Variants in NEK11 observed in about 807,000 individuals in gnomAD.
NEK11 encodes the protein NIMA related kinase 11.
In NEK11, 72 loss-of-function variants were observed where a neutral mutation model predicts 80.7. That is an observed-to-expected ratio of 0.89 (90% CI 0.74 to 1.08). The LOEUF is 1.08. Among genes scored for constraint, NEK11 ranks in the 50% least tolerant of loss-of-function variants. NEK11 has a pLI of 0.00. For missense variants in NEK11, 764 were observed against 763.6 expected (o/e 1.00, Z -0.01); for synonymous variants, 251 against 260.7 (o/e 0.96, Z 0.36).
chr3:131,206,941 T>A (rs552269486), intron 14 of NEK11, among the ~76,000 whole-genome samples: 1 of 152,302 alleles, frequency 6.6e-6, no homozygotes, highest in Non-Finnish European at 1.5e-5. Flanking sequence ...CTTGTGATAG[T>A]TTGCTGGGAA....
chr3:131,228,706 T>C lies in NEK11; in HGVS notation c.1560+18T>C. On this transcript the variant is annotated intron_variant, in intron 15 of 17. Transcript: ENST00000383366. ...ACCAACAGGTATGTAATGCTCCCTG[T>C]CGGAAGCCATGGAACTGTTCAAGGT... 1 of 1,606,860 alleles carries C rather than the reference T, an allele frequency of 6.2e-7. No homozygotes were observed.
intron 3 of NEK11, among the ~76,000 whole-genome samples, chr3:131,032,520 G>A (rs2065027087): frequency 1.3e-5 from 2 of 152,088 alleles, no homozygotes; most frequent in South Asian, 4.1e-4. Context: ...ATTGCTTTTG[G>A]AATTATTTGC....
At chr3:131,107,268 A>G (rs2079330459) in intron 4 of NEK11, among the ~76,000 whole-genome samples, 1 of 152,090 alleles carries the variant, frequency 6.6e-6, no homozygotes, top group Non-Finnish European at 1.5e-5. Flanking sequence ...ATTTTTGTAC[A>G]TGGAGAAAAT....
intron 3 of NEK11, among the ~76,000 whole-genome samples, chr3:131,072,837 G>T (rs1415877106): frequency 6.6e-6 from 1 of 152,216 alleles, no homozygotes; most frequent in Non-Finnish European, 1.5e-5. Flanking sequence ...ACTTAGAAAT[G>T]GGGGGGAAAT....
At chr3:131,283,426 T>C (rs925991342) in intron 17 of NEK11, among the ~76,000 whole-genome samples, 3 of 152,180 alleles carry the variant, frequency 2.0e-5, no homozygotes, top group Admixed American at 6.5e-5. Flanking sequence ...TCTGCTGTCA[T>C]ATTTTATGCC....
chr3:131,117,936 T>G (rs1353980498), intron 5 of NEK11, among the ~76,000 whole-genome samples: 1 of 152,180 alleles, frequency 6.6e-6, no homozygotes, highest in Non-Finnish European at 1.5e-5. Flanking sequence ...CAATTTGACT[T>G]CCTCTTTTCC....
chr3:131,224,947 G>A (rs536386104), intron 14 of NEK11, among the ~76,000 whole-genome samples: 3 of 152,282 alleles, frequency 2.0e-5, no homozygotes, highest in African/African-American at 4.8e-5. Flanking sequence ...TTTAAAAAAT[G>A]TACAGTAAGC....
intron 3 of NEK11, among the ~76,000 whole-genome samples, chr3:131,062,444 T>C (rs1443698354): frequency 1.3e-5 from 2 of 152,182 alleles, no homozygotes; most frequent in African/African-American, 4.8e-5. Context: ...GAATAATTTA[T>C]AGACAATAAA....
chr3:131,055,490 C>T (rs2069290124), intron 3 of NEK11, among the ~76,000 whole-genome samples: 1 of 152,124 alleles, frequency 6.6e-6, no homozygotes, highest in South Asian at 2.1e-4. Context: ...ATTCTTAGCA[C>T]TTTGGGAGGC....
At chr3:131,172,651 G>T (rs907263068) in intron 14 of NEK11, among the ~76,000 whole-genome samples, 1 of 152,084 alleles carries the variant, frequency 6.6e-6, no homozygotes, top group Admixed American at 6.5e-5. Flanking sequence ...ATATCCCATG[G>T]ACTTCTCTTT....
intron 3 of NEK11, among the ~76,000 whole-genome samples, chr3:131,067,056 A>G (rs1010466618): frequency 3.2e-4 from 48 of 152,180 alleles, no homozygotes; most frequent in African/African-American, 1.1e-3. Flanking sequence ...CATAATCATC[A>G]CCAGTATCAC....
intron 17 of NEK11, among the ~76,000 whole-genome samples, chr3:131,305,630 A>C (rs1581688194): frequency 1.3e-5 from 2 of 152,106 alleles, no homozygotes; most frequent in African/African-American, 4.8e-5. Context: ...CACAGGCTGG[A>C]ATCTCACCCC....
chr3:131,349,893 C>T lies in NEK11; in HGVS notation c.*117C>T, dbSNP rs2097428141. On this transcript the variant is annotated 3_prime_UTR_variant, in exon 18 of 18. Transcript: ENST00000383366. ...TACAAAAGCAGAGCTCCCATCTTGA[C>T]TTTCAATTCCTCATCAGAAGTACTG... 1.4e-6 allele frequency: 1 copy of T among 734,892 alleles called. No homozygotes were observed. Among genetic ancestry groups the T allele is most frequent in the African/African-American group, 1.8e-5 (1 of 56,554 alleles). 45.5% of individuals were successfully genotyped at this position (734,892 alleles called of 1,614,324 possible).
intron 14 of NEK11, among the ~76,000 whole-genome samples, chr3:131,171,136 G>A (rs1413714121): frequency 6.6e-6 from 1 of 152,146 alleles, no homozygotes; most frequent in East Asian, 1.9e-4. Flanking sequence ...ACCTCTTCTG[G>A]GTGGGTTAAA....
intron 17 of NEK11, among the ~76,000 whole-genome samples, chr3:131,277,483 A>C (rs1365436061): frequency 6.6e-6 from 1 of 152,160 alleles, no homozygotes; most frequent in Admixed American, 6.5e-5. Flanking sequence ...TTAAGAAAGA[A>C]CCTTCCAGCT....
At chr3:131,194,252 AG>A in intron 14 of NEK11, among the ~76,000 whole-genome samples, 1 of 152,186 alleles carries the variant, frequency 6.6e-6, no homozygotes, top group Non-Finnish European at 1.5e-5. Flanking sequence ...AAAGATATAT[AG>A]TTATTTTTAG....
At chr3:131,103,586 C>G (rs1383574731) in intron 4 of NEK11, among the ~76,000 whole-genome samples, 1 of 152,110 alleles carries the variant, frequency 6.6e-6, no homozygotes, top group Non-Finnish European at 1.5e-5. Context: ...GAGAGGTGAC[C>G]CCTTCACTGC....
At chr3:131,097,058 A>G (rs1232936184) in intron 4 of NEK11, among the ~76,000 whole-genome samples, 2 of 151,856 alleles carry the variant, frequency 1.3e-5, no homozygotes. Flanking sequence ...TACAAAGGAC[A>G]TGAACTCATC....
chr3:131,140,602 G>A (rs75639251), intron 7 of NEK11, among the ~76,000 whole-genome samples: 2,569 of 152,200 alleles, frequency 0.017, 47 homozygotes, highest in Non-Finnish European at 0.021. Context: ...TCAGGAGAAC[G>A]GCAAGCAGGA....
Sources: allele counts gnomAD v4.1 joint callset (sites outside exome capture counted in the v4.1 genomes callset), GRCh38; gene constraint gnomAD v4.1.1; transcripts MANE v1.5; gene names NCBI Gene and HGNC (gene_info 2026-07-23, HGNC 2026-07-21).